Variants in VGLL4 observed in about 807,000 individuals in gnomAD.
VGLL4 encodes the protein transcription cofactor vestigial-like protein 4.
In VGLL4, 7 loss-of-function variants were observed where a neutral mutation model predicts 21.0. The observed-to-expected ratio is 0.33, with a 90% CI of 0.19 to 0.63. The LOEUF (loss-of-function observed/expected upper bound fraction) is 0.63. VGLL4 is among the 20% of genes least tolerant of loss of function. VGLL4 has a pLI of 0.78. For missense variants in VGLL4, 394 were observed against 425.7 expected, an observed-to-expected ratio of 0.93 and a Z score of 0.66; for synonymous variants, 222 against 173.2, an observed-to-expected ratio of 1.28 and a Z score of -2.21.
intron 1 of VGLL4, among the ~76,000 whole-genome samples, chr3:11,635,840 A>T (rs1179672948): frequency 6.6e-6 from 1 of 152,214 alleles, no homozygotes. Context: ...AGTCGGTAGA[A>T]CTTAAAGCCT....
chr3:11,572,617 A>G (rs1016899432), intron 2 of VGLL4, among the ~76,000 whole-genome samples: 40 of 152,148 alleles, frequency 2.6e-4, no homozygotes, highest in Non-Finnish European at 5.6e-4. Flanking sequence ...CTCTTGCCAC[A>G]CGTGGATGTG....
intron 1 of VGLL4, among the ~76,000 whole-genome samples, chr3:11,618,198 T>A (rs1207226284): frequency 6.6e-6 from 1 of 152,198 alleles, no homozygotes; most frequent in Non-Finnish European, 1.5e-5. Flanking sequence ...CTTCATTAGA[T>A]TGGTGTCAGG....
intron 1 of VGLL4, among the ~76,000 whole-genome samples, chr3:11,620,779 C>A (rs1416080018): frequency 6.6e-6 from 1 of 152,162 alleles, no homozygotes; most frequent in East Asian, 1.9e-4. Flanking sequence ...CCCTCTCACC[C>A]CCAGGACCCG....
chr3:11,683,322 A>C (rs925504264), intron 2 of VGLL4, among the ~76,000 whole-genome samples: 1 of 152,240 alleles, frequency 6.6e-6, no homozygotes, highest in African/African-American at 2.4e-5. Flanking sequence ...GAACACTTAA[A>C]TACTACTGGT....
chr3:11,670,714 T>C (rs2125367069), intron 2 of VGLL4, among the ~76,000 whole-genome samples: 1 of 152,238 alleles, frequency 6.6e-6, no homozygotes, highest in East Asian at 1.9e-4. Flanking sequence ...GTATCCTGCC[T>C]GGATATTAAT....
intron 1 of VGLL4, chr3:11,612,289 T>C (rs1464329549): frequency 2.0e-5 from 3 of 152,150 alleles, no homozygotes; most frequent in African/African-American, 7.2e-5. Context: ...TCATTTACCC[T>C]GTTGGATTTA....
intron 2 of VGLL4, among the ~76,000 whole-genome samples, chr3:11,583,767 C>T (rs1022023448): frequency 2.0e-4 from 31 of 152,280 alleles, no homozygotes; most frequent in African/African-American, 7.5e-4. Flanking sequence ...ACATTCCTGC[C>T]CATCACCATG....
At chr3:11,712,987 T>G (rs954798381) in intron 1 of VGLL4, among the ~76,000 whole-genome samples, 31 of 152,172 alleles carry the variant, frequency 2.0e-4, no homozygotes, top group African/African-American at 6.8e-4. Context: ...ATGCTGAGAC[T>G]GTGGCCAACA....
At chr3:11,620,225 T>A (rs1309529513) in intron 1 of VGLL4, among the ~76,000 whole-genome samples, 1 of 152,178 alleles carries the variant, frequency 6.6e-6, no homozygotes, top group Non-Finnish European at 1.5e-5. Context: ...AGGTCACAGC[T>A]AGAAATAGGA....
chr3:11,658,643 T>C, intron 2 of VGLL4, among the ~76,000 whole-genome samples: 1 of 151,564 alleles, frequency 6.6e-6, no homozygotes, highest in Non-Finnish European at 1.5e-5. Context: ...CCTGGATCTT[T>C]CCTTTTATCC....
intron 2 of VGLL4, among the ~76,000 whole-genome samples, chr3:11,684,714 C>T (rs920268574): frequency 6.4e-5 from 9 of 139,536 alleles, no homozygotes; most frequent in African/African-American, 2.4e-4. Context: ...AACTGGCCAA[C>T]TGTTTCAACC....
intron 1 of VGLL4, among the ~76,000 whole-genome samples, chr3:11,605,581 C>T (rs2074921982): frequency 6.6e-6 from 1 of 152,094 alleles, no homozygotes; most frequent in South Asian, 2.1e-4. Flanking sequence ...AAAATGCCTC[C>T]TCCATCAGGC....
intron 2 of VGLL4, among the ~76,000 whole-genome samples, chr3:11,581,406 A>G (rs539345793): frequency 2.6e-5 from 4 of 152,216 alleles, no homozygotes; most frequent in African/African-American, 9.6e-5. Context: ...GCATTTCTCG[A>G]ATGATGAAAC....
intron 1 of VGLL4, among the ~76,000 whole-genome samples, chr3:11,626,006 T>C (rs913873101): frequency 7.2e-5 from 11 of 152,186 alleles, no homozygotes; most frequent in African/African-American, 2.7e-4. Context: ...TTAAATACCA[T>C]TAAATTGTAT....
rs2125365389 is a variant in VGLL4, at chr3:11,669,369, A to G, written c.64+33602T>C. Among the ~76,000 whole-genome samples the G allele has an allele frequency of 2.0e-5, 3 of 152,246 alleles. No homozygotes were observed. In the Middle Eastern group the frequency reaches 0.01, roughly 518 times the overall value. Reference sequence around the variant, plus strand: ...TGCACTCCAGCCTGTGCGACAGAGTAAGACCCCGCCTCTAAAAAAAGAAGA... The same window carrying G: ...TGCACTCCAGCCTGTGCGACAGAGTGAGACCCCGCCTCTAAAAAAAGAAGA... On this transcript the variant is annotated intron_variant, in intron 2 of 5. Transcript: ENST00000273038.
rs889464737 is a variant in VGLL4, at chr3:11,670,812, C to A, written c.64+32159G>T. On this transcript the variant is annotated intron_variant, in intron 2 of 5. Coordinates refer to the VGLL4 transcript ENST00000273038. ...CAGCACTTTGGGAGGCTGAGGCTGGCGGATCACCTGAGGTCAGGAGTTTGA... is the reference window on the plus strand; with the variant it reads ...CAGCACTTTGGGAGGCTGAGGCTGGAGGATCACCTGAGGTCAGGAGTTTGA... Among the ~76,000 whole-genome samples, 4 of 152,048 alleles carry A rather than the reference C, an allele frequency of 2.6e-5. No homozygotes were observed. In the East Asian group the frequency reaches 7.7e-4, roughly 29 times the overall value.
At chr3:11,654,797 G>C (rs2075931617) in intron 2 of VGLL4, among the ~76,000 whole-genome samples, 2 of 152,172 alleles carry the variant, frequency 1.3e-5, no homozygotes, top group South Asian at 4.1e-4. Flanking sequence ...ACCCCAGTGA[G>C]AGAAGACAGA....
chr3:11,568,833 C>CT lies in VGLL4; in HGVS notation c.273-3815dup. The CT allele has an allele frequency of 2.1e-6, 3 of 1,409,488 alleles. No individual in the cohort carries two copies. The highest frequency in any genetic ancestry group is 2.8e-6 in the Non-Finnish European group (3 of 1,084,386). 87.3% of individuals were successfully genotyped at this position (1,409,488 alleles called of 1,614,324 possible). The stretch of plus-strand genomic sequence containing the variant: ...CATCCCCGCGAACACCCAAAGGACT[C>CT]TGAGTGGCTCCGTGCCAGGCCTATC... On this transcript the variant is annotated intron_variant, in intron 2 of 4. Transcript: ENST00000430365. The surrounding 1 kb of genome is among the most constrained non-coding windows in gnomAD (Gnocchi z 5.9).
At chr3:11,613,843 G>C (rs952116389) in intron 1 of VGLL4, among the ~76,000 whole-genome samples, 4 of 152,182 alleles carry the variant, frequency 2.6e-5, no homozygotes, top group African/African-American at 9.7e-5. Flanking sequence ...GCTGAACAAA[G>C]GGAACCTCTA....
Sources: allele counts gnomAD v4.1 joint callset (sites outside exome capture counted in the v4.1 genomes callset), GRCh38; gene constraint gnomAD v4.1.1; non-coding constraint Gnocchi (gnomAD v3.1); transcripts MANE v1.5; gene names NCBI Gene and HGNC (gene_info 2026-07-23, HGNC 2026-07-21).